Variants in MTFR1 observed in about 807,000 individuals in gnomAD.
MTFR1 encodes the protein mitochondrial fission regulator 1.
A neutral mutation model predicts 38.8 loss-of-function variants in MTFR1; 28 were observed. That is an observed-to-expected ratio of 0.72 (90% CI 0.53 to 0.99). MTFR1 has a LOEUF of 0.99. Among genes scored for constraint, MTFR1 ranks in the 50% least tolerant of loss-of-function variants. The pLI is 0.00. For synonymous variants in MTFR1, 145 were observed against 137.0 expected (o/e 1.06, Z -0.41); for missense variants, 358 against 395.5 (o/e 0.91, Z 0.81).
Position 65,709,126 on chromosome 8 carries a change from T to A in MTFR1, c.*82T>A. On this transcript the variant is annotated 3_prime_UTR_variant, in exon 8 of 8. Transcript: ENST00000262146. ...TTTGCTAGTAGAAATCGACACTGTT[T>A]AGTAAATACCTCTTTAGTATTCAGT... 2 of 1,182,374 alleles carry A rather than the reference T, an allele frequency of 1.7e-6. No homozygotes were observed. The highest frequency in any genetic ancestry group is 1.3e-6 in the Non-Finnish European group (1 of 788,582). 73.2% of individuals were successfully genotyped at this position (1,182,374 alleles called of 1,614,324 possible).
intron 4 of MTFR1, among the ~76,000 whole-genome samples, chr8:65,699,440 T>G (rs1005277607): frequency 6.6e-6 from 1 of 152,250 alleles, no homozygotes; most frequent in African/African-American, 2.4e-5. Flanking sequence ...GTGGCTGAGC[T>G]AATTTACATT....
Position 65,669,924 on chromosome 8 carries a change from T to C in MTFR1, c.-29T>C. On this transcript the variant is annotated 5_prime_UTR_variant, in exon 2 of 8. It removes an upstream start codon present in the reference 5' UTR. Coordinates refer to ENST00000262146, the MANE Select transcript of MTFR1 (RefSeq NM_014637.4). The stretch of plus-strand genomic sequence containing the variant: ...TGTATGCCTGAAGAAGTACTTGAAA[T>C]GCAAATTTGGGGAGACTTTGCCATA... The C allele has an allele frequency of 6.3e-7, 1 of 1,596,648 alleles. No individual in the cohort carries two copies. The highest frequency in any genetic ancestry group is 8.5e-7 in the Non-Finnish European group (1 of 1,172,874).
chr8:65,659,190 AT>A (rs1809345259), intron 1 of MTFR1, among the ~76,000 whole-genome samples: 1 of 151,782 alleles, frequency 6.6e-6, no homozygotes, highest in Non-Finnish European at 1.5e-5. Flanking sequence ...CTTTCTCAAA[AT>A]TTTCCTTTTT....
intron 3 of MTFR1, among the ~76,000 whole-genome samples, chr8:65,724,580 G>A (rs552844610): frequency 1.5e-4 from 23 of 152,096 alleles, no homozygotes; most frequent in Non-Finnish European, 2.5e-4. Flanking sequence ...TGAAAAACAC[G>A]TAAGCAATGA....
intron 1 of MTFR1, among the ~76,000 whole-genome samples, chr8:65,662,222 C>G (rs962973999): frequency 2.6e-5 from 4 of 151,868 alleles, no homozygotes; most frequent in African/African-American, 9.7e-5. Context: ...CTCAGCCTGC[C>G]GAGTGCCTGC....
At chr8:65,774,175 A>C (rs900216732), downstream of MTFR1, among the ~76,000 whole-genome samples, 6 of 152,232 alleles carry the variant, frequency 3.9e-5, no homozygotes, top group African/African-American at 1.4e-4. Flanking sequence ...GTTATTGCAG[A>C]AAAACTATGT....
intron 1 of MTFR1, among the ~76,000 whole-genome samples, chr8:65,657,700 T>A (rs1809306400): frequency 6.7e-6 from 1 of 150,146 alleles, no homozygotes; most frequent in Non-Finnish European, 1.5e-5. Context: ...AGAGTGAGAC[T>A]GTCTCTAAAA....
intron 1 of MTFR1, among the ~76,000 whole-genome samples, chr8:65,662,025 CT>C (rs1809432034): frequency 9.4e-6 from 1 of 105,900 alleles, no homozygotes; most frequent in Non-Finnish European, 1.9e-5. Context: ...CTCTCCCTCT[CT>C]CTCTCCCTCT....
chr8:65,711,436 G>C (rs138305374), downstream of MTFR1, among the ~76,000 whole-genome samples: 1 of 152,204 alleles, frequency 6.6e-6, no homozygotes, highest in African/African-American at 2.4e-5. Context: ...CTGTGGGATA[G>C]AATCTGGCAG....
rs1326779382 is a variant in MTFR1 at position 65,644,745 on chromosome 8, C to T, written c.-120C>T. 1.3e-5 allele frequency: 2 copies of T among 152,488 alleles called. No homozygotes were observed. Among genetic ancestry groups the T allele is most frequent in the Non-Finnish European group, 1.5e-5 (1 of 68,250 alleles). 9.4% of individuals were successfully genotyped at this position (152,488 alleles called of 1,614,324 possible). A position where few individuals can be genotyped will look rare whatever the true frequency, so the allele number is the denominator to read the frequency against. ...GCCACGGGACAGCCAAGCTAGAAGCCTGAGGAGCCGGAGAGGGTGCTGGCT... is the reference window on the plus strand; with the variant it reads ...GCCACGGGACAGCCAAGCTAGAAGCTTGAGGAGCCGGAGAGGGTGCTGGCT... On this transcript the variant is annotated 5_prime_UTR_variant, in exon 1 of 8. Transcript: ENST00000262146.
chr8:65,654,671 G>A (rs1045903891), intron 1 of MTFR1, among the ~76,000 whole-genome samples: 5 of 152,082 alleles, frequency 3.3e-5, no homozygotes, highest in African/African-American at 4.8e-5. Context: ...TCAAATTCCT[G>A]GGCTCAAGCG....
At chr8:65,763,328 G>A (rs889308108) in intron 3 of MTFR1, among the ~76,000 whole-genome samples, 1 of 151,974 alleles carries the variant, frequency 6.6e-6, no homozygotes, top group African/African-American at 2.4e-5. Context: ...CACTTTGGGA[G>A]GCTGAGGCGG....
chr8:65,703,090 G>GA (rs869185555), intron 4 of MTFR1, among the ~76,000 whole-genome samples: 2,951 of 134,846 alleles, frequency 0.022, 42 homozygotes, highest in Non-Finnish European at 0.035. Flanking sequence ...TAAGGTAATG[G>GA]AAAAAAAAAA....
chr8:65,681,159 G>T (rs1052123280), intron 2 of MTFR1, among the ~76,000 whole-genome samples: 1 of 151,798 alleles, frequency 6.6e-6, no homozygotes, highest in African/African-American at 2.4e-5. Flanking sequence ...TGATCCACCC[G>T]CCTCGGCCTC....
intron 3 of MTFR1, among the ~76,000 whole-genome samples, chr8:65,753,954 GTTA>G (rs1808094434): frequency 6.6e-6 from 1 of 151,740 alleles, no homozygotes; most frequent in Non-Finnish European, 1.5e-5. Context: ...ATCTCTTTTG[GTTA>G]TTATCTGCAT....
At chr8:65,762,675 C>A (rs1482573298) in intron 3 of MTFR1, among the ~76,000 whole-genome samples, 1 of 152,082 alleles carries the variant, frequency 6.6e-6, no homozygotes, top group East Asian at 1.9e-4. Flanking sequence ...TAGACATGGT[C>A]ATTATTATGA....
chr8:65,705,430 C>A lies in MTFR1; in HGVS notation c.517+501C>A, dbSNP rs149776036. ...GTGTTCATTTTGAACAATCTTGGTGCTGTCAGAGAAGATGACTAGGAAGTA... is the reference window on the plus strand; with the variant it reads ...GTGTTCATTTTGAACAATCTTGGTGATGTCAGAGAAGATGACTAGGAAGTA... On this transcript the variant is annotated intron_variant, in intron 5 of 7. Coordinates refer to ENST00000262146, the MANE Select transcript of MTFR1 (RefSeq NM_014637.4). Among the ~76,000 whole-genome samples, 7 of 152,362 alleles carry A rather than the reference C, an allele frequency of 4.6e-5. No homozygotes were observed. In the East Asian group the frequency reaches 1.3e-3, roughly 29 times the overall value.
chr8:65,716,034 G>C (rs148172847), intron 2 of MTFR1, among the ~76,000 whole-genome samples: 2,547 of 145,432 alleles, frequency 0.018, 36 homozygotes, highest in Middle Eastern at 0.04. Flanking sequence ...AATTAGCTGG[G>C]TGGTGTGGTG....
At chr8:65,703,701 CT>C (rs1805691656) in intron 4 of MTFR1, among the ~76,000 whole-genome samples, 1 of 151,964 alleles carries the variant, frequency 6.6e-6, no homozygotes, top group African/African-American at 2.4e-5. Context: ...TCCCAAAGTG[CT>C]GGTATTACAG....
Sources: allele counts gnomAD v4.1 joint callset (sites outside exome capture counted in the v4.1 genomes callset), GRCh38; gene constraint gnomAD v4.1.1; transcripts MANE v1.5; gene names NCBI Gene and HGNC (gene_info 2026-07-23, HGNC 2026-07-21).